PRKD1: variants seen among roughly 807,000 people sequenced by gnomAD.
PRKD1 encodes the protein serine/threonine-protein kinase D1.
A neutral mutation model predicts 95.9 loss-of-function variants in PRKD1; 63 were observed. That is an observed-to-expected ratio of 0.66 (90% confidence interval 0.54 to 0.81). The LOEUF (loss-of-function observed/expected upper bound fraction) is 0.81, where lower values mean the gene tolerates loss of function less well. Ranked by LOEUF, PRKD1 falls within the 30% of genes least tolerant of loss-of-function variation. PRKD1 has a pLI of 0.00. For synonymous variants in PRKD1, 425 were observed against 423.1 expected (o/e 1.00, Z -0.05); for missense variants, 1,048 against 1,165.3 (o/e 0.90, Z 1.47).
rs577216228 is a variant in PRKD1, at chr14:29,882,182, T to C, written c.264+45067A>G. Among the ~76,000 whole-genome samples the C allele has an allele frequency of 4.6e-5, 7 of 152,374 alleles. No individual in the cohort carries two copies. In the South Asian group the frequency reaches 1.4e-3, roughly 32 times the overall value. On this transcript the variant is annotated intron_variant, in intron 1 of 17. Coordinates refer to ENST00000331968, the MANE Select transcript of PRKD1 (RefSeq NM_002742.3). ...AAACAAAGCATTTCTGCTAAATACATATTTGAATATTGTGATTTCAGTATA... is the reference window on the plus strand; with the variant it reads ...AAACAAAGCATTTCTGCTAAATACACATTTGAATATTGTGATTTCAGTATA...
At chr14:29,610,482 C>T (rs1486796045) in intron 13 of PRKD1, among the ~76,000 whole-genome samples, 1 of 152,126 alleles carries the variant, frequency 6.6e-6, no homozygotes, top group Non-Finnish European at 1.5e-5. Flanking sequence ...CATTACACAC[C>T]TATTAGAATT....
chr14:29,789,474 G>A (rs1367739185), intron 1 of PRKD1, among the ~76,000 whole-genome samples: 2 of 152,150 alleles, frequency 1.3e-5, no homozygotes, highest in African/African-American at 4.8e-5. Context: ...GGCTGTGTTG[G>A]TATAGTGTGT....
chr14:29,668,103 T>C (rs572988025), intron 2 of PRKD1, among the ~76,000 whole-genome samples: 1 of 152,292 alleles, frequency 6.6e-6, no homozygotes, highest in South Asian at 2.1e-4. Context: ...GTGAGGTTTT[T>C]ACATCCATTT....
chr14:29,919,236 C>A (rs1222614548), intron 1 of PRKD1, among the ~76,000 whole-genome samples: 1 of 152,284 alleles, frequency 6.6e-6, no homozygotes, highest in East Asian at 1.9e-4. Flanking sequence ...GCTACTATAT[C>A]AATTGTCTGG....
At chr14:29,760,199 A>G (rs11850756) in intron 1 of PRKD1, among the ~76,000 whole-genome samples, 30,001 of 152,026 alleles carry the variant, frequency 0.2, 3,150 homozygotes, top group South Asian at 0.26. Context: ...AAATTGTTCT[A>G]CATTCTAATT....
At position 29,597,620 on chromosome 14, in the gene PRKD1, C is replaced by T; in HGVS notation, c.2305G>A (p.Val769Ile). The change falls in exon 16 of 18, where the codon GTT (valine) becomes ATT (isoleucine). Residue 769 changes from valine to isoleucine, a missense_variant. Coordinates refer to ENST00000331968, the MANE Select transcript of PRKD1 (RefSeq NM_002742.3). The stretch of plus-strand genomic sequence containing the variant: ...AGGCTTACATAGATGATGACCCCAA[C>T]AGACCACATGTCTAGAGAGCGATTG... ...GYNRSLDMWS[V>I]GVIIYVSLSG... is the part of the protein sequence containing the mutation. 1 of 1,614,076 alleles carries T rather than the reference C, an allele frequency of 6.2e-7. No homozygotes were observed. The highest frequency in any genetic ancestry group is 8.5e-7 in the Non-Finnish European group (1 of 1,179,992).
intron 4 of PRKD1, chr14:29,657,337 C>G (rs991366172): frequency 1.2e-4 from 18 of 152,174 alleles, no homozygotes; most frequent in African/African-American, 3.9e-4. Context: ...GAAACCAAAT[C>G]AAAACTACAA....
intron 2 of PRKD1, among the ~76,000 whole-genome samples, chr14:29,685,734 C>CTGTGTGTGTGTGTG (rs5807548): frequency 9.6e-4 from 143 of 149,384 alleles, no homozygotes; most frequent in Admixed American, 2.7e-3. Context: ...TTATCCTCAT[C>CTGTGTGTGTGTGTG]TGTGTGTGTG....
At chr14:29,745,728 G>A (rs1052137221) in intron 1 of PRKD1, among the ~76,000 whole-genome samples, 10 of 151,852 alleles carry the variant, frequency 6.6e-5, no homozygotes, top group African/African-American at 1.4e-4. Flanking sequence ...CTCCTGCCTC[G>A]GCCTCCCAAA....
intron 2 of PRKD1, among the ~76,000 whole-genome samples, chr14:29,705,553 C>G (rs1056192381): frequency 6.6e-6 from 1 of 151,718 alleles, no homozygotes; most frequent in Non-Finnish European, 1.5e-5. Flanking sequence ...TCATAAGGTT[C>G]CTGAACCATC....
At chr14:29,622,367 C>CCCTCCCTTCCTT in intron 13 of PRKD1, among the ~76,000 whole-genome samples, 1 of 144,942 alleles carries the variant, frequency 6.9e-6, no homozygotes, top group Admixed American at 6.9e-5. Context: ...GTATTTTTCT[C>CCCTCCCTTCCTT]CCTTCCTTCC....
intron 2 of PRKD1, among the ~76,000 whole-genome samples, chr14:29,686,985 T>C (rs1031216035): frequency 4.7e-5 from 5 of 106,412 alleles, no homozygotes; most frequent in African/African-American, 1.9e-4. Context: ...TCTGTTTTAC[T>C]TCATTCTCCA....
intron 2 of PRKD1, among the ~76,000 whole-genome samples, chr14:29,690,688 T>C (rs1884178995): frequency 6.6e-6 from 1 of 152,198 alleles, no homozygotes; most frequent in Non-Finnish European, 1.5e-5. Context: ...TCCTCCAATC[T>C]GTTGATCTGT....
intron 1 of PRKD1, among the ~76,000 whole-genome samples, chr14:29,839,592 T>C (rs1891750029): frequency 6.6e-6 from 1 of 152,092 alleles, no homozygotes. Flanking sequence ...TGTGTCTCCA[T>C]GCCACATTTC....
At chr14:29,613,152 A>C (rs1340477227) in intron 13 of PRKD1, among the ~76,000 whole-genome samples, 1 of 152,258 alleles carries the variant, frequency 6.6e-6, no homozygotes, top group Non-Finnish European at 1.5e-5. Context: ...TTGAAGAAAT[A>C]TAGTACATAT....
chr14:29,700,101 T>TC (rs950686701), intron 2 of PRKD1, among the ~76,000 whole-genome samples: 6 of 147,860 alleles, frequency 4.1e-5, no homozygotes, highest in Non-Finnish European at 9.0e-5. Flanking sequence ...TTTTTTTTTT[T>TC]CCCTTGCTGA....
intron 1 of PRKD1, among the ~76,000 whole-genome samples, chr14:29,834,155 TC>T (rs1231782974): frequency 6.6e-6 from 1 of 152,166 alleles, no homozygotes; most frequent in East Asian, 1.9e-4. Flanking sequence ...AAGTAGGGTT[TC>T]TCAGTAAAAA....
chr14:29,578,417 T>C (rs1016731252), intron 16 of PRKD1, 57 bp from the exon 17 acceptor site: 119 of 1,296,390 alleles, frequency 9.2e-5, no homozygotes, highest in Non-Finnish European at 1.0e-4. Context: ...GCATAATTCA[T>C]TTATAGTTTA....
intron 1 of PRKD1, among the ~76,000 whole-genome samples, chr14:29,800,989 G>C (rs1160539805): frequency 6.6e-6 from 1 of 152,076 alleles, no homozygotes; most frequent in African/African-American, 2.4e-5. Flanking sequence ...AAAAATGCTA[G>C]TGTAATATTT....
Sources: allele counts gnomAD v4.1 joint callset (sites outside exome capture counted in the v4.1 genomes callset), GRCh38; gene constraint gnomAD v4.1.1; transcripts MANE v1.5; gene names NCBI Gene and HGNC (gene_info 2026-07-23, HGNC 2026-07-21).